Variants in MLLT3 observed in about 807,000 individuals in gnomAD.
MLLT3 encodes protein AF-9.
Under a neutral mutation model 53.2 loss-of-function variants are expected in MLLT3, and 4 were observed. The ratio of observed to expected loss-of-function variants is 0.08; its 90% CI spans 0.04 to 0.17. MLLT3 has a LOEUF of 0.17. MLLT3 is among the 10% of genes least tolerant of loss of function. The probability of loss-of-function intolerance (pLI) is 1.00; values close to 1 mark genes in which losing one functional copy is unlikely to be tolerated. For synonymous variants in MLLT3, 283 were observed against 230.6 expected, an observed-to-expected ratio of 1.23 and a Z score of -2.06; for missense variants, 569 against 684.0, an observed-to-expected ratio of 0.83 and a Z score of 1.87.
chr9:20,546,570 T>G (rs1281218293), intron 2 of MLLT3, among the ~76,000 whole-genome samples: 1 of 151,800 alleles, frequency 6.6e-6, no homozygotes, highest in East Asian at 1.9e-4. Flanking sequence ...AAATCTACTG[T>G]ATGGTAGACG....
chr9:20,601,673 A>T (rs1056085562), intron 2 of MLLT3, among the ~76,000 whole-genome samples: 6 of 152,128 alleles, frequency 3.9e-5, no homozygotes, highest in African/African-American at 1.4e-4. Flanking sequence ...AAGCAGACAG[A>T]TCCTCAATAA....
At chr9:20,419,524 T>TA (rs535459362) in intron 4 of MLLT3, among the ~76,000 whole-genome samples, 20 of 144,618 alleles carry the variant, frequency 1.4e-4, no homozygotes, top group East Asian at 4.0e-4. Context: ...TCACTATACT[T>TA]AAAAAAAAAG....
intron 4 of MLLT3, among the ~76,000 whole-genome samples, chr9:20,429,900 C>T (rs569573628): frequency 3.3e-5 from 5 of 152,088 alleles, no homozygotes; most frequent in African/African-American, 9.7e-5. Flanking sequence ...GGTATTCCTA[C>T]TAACTCAGGA....
intron 6 of MLLT3, among the ~76,000 whole-genome samples, chr9:20,364,084 G>C (rs1241530251): frequency 6.6e-6 from 1 of 152,184 alleles, no homozygotes; most frequent in East Asian, 1.9e-4. Context: ...AAGCATTTCA[G>C]TCAAGTTCAG....
intron 5 of MLLT3, among the ~76,000 whole-genome samples, chr9:20,378,081 A>G (rs148514978): frequency 1.3e-5 from 2 of 152,168 alleles, no homozygotes; most frequent in Non-Finnish European, 2.9e-5. Flanking sequence ...CATAGTAGTA[A>G]AAGAAAATAA....
chr9:20,445,484 T>C (rs1305285406), intron 4 of MLLT3, among the ~76,000 whole-genome samples: 3 of 152,168 alleles, frequency 2.0e-5, no homozygotes. Flanking sequence ...GATTATGAAG[T>C]AGAAAAAATC....
intron 2 of MLLT3, among the ~76,000 whole-genome samples, chr9:20,578,863 A>C (rs1819720463): frequency 6.6e-6 from 1 of 152,148 alleles, no homozygotes; most frequent in Non-Finnish European, 1.5e-5. Context: ...TTATTTATAG[A>C]TATGTTAAGT....
At chr9:20,499,289 C>G (rs1214923312) in intron 2 of MLLT3, among the ~76,000 whole-genome samples, 1 of 152,106 alleles carries the variant, frequency 6.6e-6, no homozygotes, top group African/African-American at 2.4e-5. Flanking sequence ...TTCAAAGGTA[C>G]CTGGGGTTAG....
rs142366731 is a variant in MLLT3 at position 20,446,909 on chromosome 9, A to G, written c.420+1214T>C. 5.1e-3 allele frequency among the ~76,000 whole-genome samples: 780 copies of G among 152,344 alleles called. 8 individuals are homozygous for G. The highest frequency in any genetic ancestry group is 0.017 in the African/African-American group (711 of 41,582). Reference sequence around the variant, plus strand: ...ACTCTAAGTGGCATTTCATTTCCAAAGCTGGCTCAATACCCACTTAAACCA... The same window carrying G: ...ACTCTAAGTGGCATTTCATTTCCAAGGCTGGCTCAATACCCACTTAAACCA... On this transcript the variant is annotated intron_variant, in intron 4 of 10. Coordinates refer to ENST00000380338, the MANE Select transcript of MLLT3 (RefSeq NM_004529.4).
At position 20,620,947 on chromosome 9, in the gene MLLT3, C is replaced by A. The variant is rs751193459; in HGVS notation, c.13-113G>T. The A allele has an allele frequency of 8.4e-7, 1 of 1,192,358 alleles. No homozygotes were observed. The highest frequency in any genetic ancestry group is 1.2e-6 in the Non-Finnish European group (1 of 823,884). 73.9% of individuals were successfully genotyped at this position (1,192,358 alleles called of 1,614,324 possible). A position where few individuals can be genotyped will look rare whatever the true frequency, so the allele number is the denominator to read the frequency against. ...TTCTTGAAACGCACATAAAAGGAAA[C>A]GGCGGTGCCCTCTGCATCCACGTTT... On this transcript the variant is annotated intron_variant, in intron 1 of 10. Coordinates refer to ENST00000380338, the MANE Select transcript of MLLT3 (RefSeq NM_004529.4). The surrounding 1 kb of genome is among the most constrained non-coding windows in gnomAD (Gnocchi z 6.1).
intron 2 of MLLT3, among the ~76,000 whole-genome samples, chr9:20,565,534 T>C (rs1430748249): frequency 6.6e-6 from 1 of 152,078 alleles, no homozygotes; most frequent in Non-Finnish European, 1.5e-5. Context: ...CACTGCTAGG[T>C]AATTCAACTT....
At chr9:20,475,497 CAT>C (rs1314775535) in intron 2 of MLLT3, among the ~76,000 whole-genome samples, 1 of 152,126 alleles carries the variant, frequency 6.6e-6, no homozygotes, top group African/African-American at 2.4e-5. Context: ...ATTTTGTTAA[CAT>C]ATAAAGTTTC....
intron 4 of MLLT3, among the ~76,000 whole-genome samples, chr9:20,417,935 C>G (rs1208693467): frequency 6.6e-6 from 1 of 152,194 alleles, no homozygotes; most frequent in African/African-American, 2.4e-5. Context: ...CAACTCATAG[C>G]TGATTCTTGG....
At chr9:20,525,389 G>A (rs1032278741) in intron 2 of MLLT3, among the ~76,000 whole-genome samples, 10 of 152,106 alleles carry the variant, frequency 6.6e-5, no homozygotes, top group Non-Finnish European at 1.2e-4. Flanking sequence ...CCAGCTACTT[G>A]GTAGGCTGAC....
intron 2 of MLLT3, among the ~76,000 whole-genome samples, chr9:20,479,136 G>C (rs547377101): frequency 9.2e-5 from 14 of 152,192 alleles, no homozygotes; most frequent in African/African-American, 3.4e-4. Context: ...TGGAAAGAAC[G>C]ATTTAAAATG....
chr9:20,491,504 G>A (rs1335570103), intron 2 of MLLT3, among the ~76,000 whole-genome samples: 1 of 152,134 alleles, frequency 6.6e-6, no homozygotes, highest in Non-Finnish European at 1.5e-5. Flanking sequence ...TTTATTTTAT[G>A]AGGAAGATAA....
intron 2 of MLLT3, among the ~76,000 whole-genome samples, chr9:20,534,779 G>C (rs1473317848): frequency 6.6e-6 from 1 of 152,082 alleles, no homozygotes; most frequent in Non-Finnish European, 1.5e-5. Flanking sequence ...CCAGCAACTT[G>C]GGAGGCTGGG....
At chr9:20,524,004 G>C (rs1400054003) in intron 2 of MLLT3, among the ~76,000 whole-genome samples, 1 of 151,722 alleles carries the variant, frequency 6.6e-6, no homozygotes, top group East Asian at 1.9e-4. Context: ...CACACAGAGA[G>C]ATCAATGGTT....
chr9:20,467,963 T>C (rs1220288303), intron 2 of MLLT3, among the ~76,000 whole-genome samples: 4 of 152,198 alleles, frequency 2.6e-5, no homozygotes, highest in South Asian at 4.1e-4. Context: ...GGCAGGTATG[T>C]ATAACGTGGA....
Sources: gnomAD v4.1 joint callset for allele counts (sites outside exome capture counted in the v4.1 genomes callset) on GRCh38, gnomAD v4.1.1 for gene constraint, Gnocchi (gnomAD v3.1) non-coding constraint, MANE v1.5 for transcripts, NCBI Gene and HGNC (gene_info 2026-07-23, HGNC 2026-07-21) for gene names.